The following DLG2 variants were observed in gnomAD, a reference collection of about 807,000 sequenced individuals.
DLG2 encodes the protein disks large homolog 2.
In DLG2, 45 loss-of-function variants were observed where a neutral mutation model predicts 132.5. The observed-to-expected ratio is 0.34, with a 90% confidence interval of 0.27 to 0.44. The LOEUF is 0.44. Among genes scored for constraint, DLG2 ranks in the 20% least tolerant of loss-of-function variants. The pLI is 1.00. For synonymous variants in DLG2, 424 were observed against 419.6 expected (o/e 1.01, Z -0.13); for missense variants, 1,045 against 1,196.9 (o/e 0.87, Z 1.87).
chr11:85,045,828 C>A (rs946597174), intron 6 of DLG2, among the ~76,000 whole-genome samples: 6 of 151,932 alleles, frequency 3.9e-5, no homozygotes, highest in African/African-American at 1.4e-4. Flanking sequence ...GAAGGCAAGG[C>A]ATTTTGGAAG....
intron 4 of DLG2, among the ~76,000 whole-genome samples, chr11:85,221,850 C>T (rs191976335): frequency 9.9e-4 from 150 of 152,246 alleles, no homozygotes; most frequent in Non-Finnish European, 1.7e-3. Context: ...ACCTATTTCA[C>T]ATTTTTATTT....
intron 3 of DLG2, among the ~76,000 whole-genome samples, chr11:85,401,835 A>G (rs2088151251): frequency 6.6e-6 from 1 of 152,188 alleles, no homozygotes; most frequent in Admixed American, 6.5e-5. Flanking sequence ...TCAATGAAAT[A>G]AAAGAGGACA....
At chr11:84,210,275 T>C (rs2096734423) in intron 8 of DLG2, among the ~76,000 whole-genome samples, 1 of 151,204 alleles carries the variant, frequency 6.6e-6, no homozygotes, top group Non-Finnish European at 1.5e-5. Flanking sequence ...AGAGTGATAC[T>C]CTGTCTCCAA....
rs563607392 is a variant in DLG2, at chr11:84,317,243, C to T, written c.520-65952G>A. 14 of 1,510,666 alleles carry T rather than the reference C, an allele frequency of 9.3e-6. No individual in the cohort carries two copies. The South Asian group carries it at 1.9e-4, about 20-fold the overall frequency. 93.6% of individuals were successfully genotyped at this position (1,510,666 alleles called of 1,614,324 possible). A position where few individuals can be genotyped will look rare whatever the true frequency, so the allele number is the denominator to read the frequency against. The stretch of plus-strand genomic sequence containing the variant: ...CCAGCCAGTTGTAAAAGTCTTTTTT[C>T]CACCGTGGATTCCTCAGTATCTTTG... On this transcript the variant is annotated intron_variant, in intron 7 of 27. Coordinates refer to ENST00000376104, the MANE Select transcript of DLG2 (RefSeq NM_001142699.3).
At chr11:85,278,163 T>A (rs2078009024) in intron 4 of DLG2, among the ~76,000 whole-genome samples, 1 of 152,200 alleles carries the variant, frequency 6.6e-6, no homozygotes, top group African/African-American at 2.4e-5. Context: ...CAGACACATG[T>A]TTATTAATCC....
At chr11:84,492,815 G>T (rs889112853) in intron 7 of DLG2, among the ~76,000 whole-genome samples, 1 of 152,024 alleles carries the variant, frequency 6.6e-6, no homozygotes, top group African/African-American at 2.4e-5. Context: ...GTTTTAAATG[G>T]AGTGTCTTGT....
chr11:84,508,822 A>T (rs1326779822), intron 7 of DLG2, among the ~76,000 whole-genome samples: 3 of 152,220 alleles, frequency 2.0e-5, no homozygotes, highest in Non-Finnish European at 4.4e-5. Context: ...TTGTTAAGAC[A>T]GGAAATTGTT....
rs548197739 is a variant in DLG2, at chr11:84,163,726, T to C, written c.574-215A>G. ...AGATGCTACAAAAAATACTCAAAGA[T>C]TATTGCTTCCCTTAGTAATTCTGTG... On this transcript the variant is annotated intron_variant, in intron 8 of 27. Coordinates refer to ENST00000376104, the MANE Select transcript of DLG2 (RefSeq NM_001142699.3). Among the ~76,000 whole-genome samples, 3 of 152,288 alleles carry C rather than the reference T, an allele frequency of 2.0e-5. No individual in the cohort carries two copies. In the East Asian group the frequency reaches 5.8e-4, roughly 29 times the overall value.
At chr11:83,483,711 A>C (rs1156276864) in intron 22 of DLG2, among the ~76,000 whole-genome samples, 1 of 151,980 alleles carries the variant, frequency 6.6e-6, no homozygotes, top group Non-Finnish European at 1.5e-5. Flanking sequence ...AAGAGTGAGC[A>C]AATGTGCTAG....
At chr11:84,569,045 G>T (rs534860935) in intron 6 of DLG2, among the ~76,000 whole-genome samples, 80 of 152,246 alleles carry the variant, frequency 5.3e-4, no homozygotes, top group African/African-American at 1.9e-3. Context: ...CTGACCAGAA[G>T]TAATAGCAGT....
chr11:85,252,990 C>G (rs1467060135), intron 4 of DLG2, among the ~76,000 whole-genome samples: 1 of 152,122 alleles, frequency 6.6e-6, no homozygotes, highest in Non-Finnish European at 1.5e-5. Context: ...AAATTCTAAA[C>G]CTATTGTTAA....
chr11:85,021,657 GT>G (rs2060079948), intron 6 of DLG2: 1 of 1,163,798 alleles, frequency 8.6e-7, no homozygotes, highest in Non-Finnish European at 1.3e-6. Context: ...TAGCCATTGT[GT>G]TTGATGATAA....
intron 18 of DLG2, among the ~76,000 whole-genome samples, chr11:83,688,529 T>C (rs752966794): frequency 3.3e-5 from 5 of 152,024 alleles, no homozygotes; most frequent in Non-Finnish European, 5.9e-5. Flanking sequence ...GCCTGGAGAG[T>C]GTTAATAAAC....
At chr11:85,146,589 G>A (rs568030631) in intron 5 of DLG2, among the ~76,000 whole-genome samples, 1 of 152,064 alleles carries the variant, frequency 6.6e-6, no homozygotes, top group Admixed American at 6.6e-5. Context: ...TTTTACCGTG[G>A]CTGAGCTGGT....
At chr11:85,255,913 A>G (rs2076641968) in intron 4 of DLG2, among the ~76,000 whole-genome samples, 1 of 152,224 alleles carries the variant, frequency 6.6e-6, no homozygotes, top group South Asian at 2.1e-4. Flanking sequence ...GATGTCCTGT[A>G]ATCGCTGTTA....
At chr11:85,322,146 T>C (rs893799217) in intron 3 of DLG2, among the ~76,000 whole-genome samples, 1 of 152,058 alleles carries the variant, frequency 6.6e-6, no homozygotes, top group Non-Finnish European at 1.5e-5. Flanking sequence ...CACCTTCTGG[T>C]CACCATATCC....
intron 3 of DLG2, among the ~76,000 whole-genome samples, chr11:85,317,595 C>T (rs919542517): frequency 1.3e-5 from 2 of 151,818 alleles, no homozygotes; most frequent in African/African-American, 2.4e-5. Flanking sequence ...GTCTTTTGTT[C>T]CTTCCTCCAA....
chr11:84,531,242 C>A (rs1050963127), intron 7 of DLG2, among the ~76,000 whole-genome samples: 8 of 152,294 alleles, frequency 5.3e-5, no homozygotes, highest in African/African-American at 1.9e-4. Context: ...CCAAATACTG[C>A]ATATTCTCAC....
At chr11:84,199,127 C>G (rs1483986420) in intron 8 of DLG2, among the ~76,000 whole-genome samples, 4 of 152,082 alleles carry the variant, frequency 2.6e-5, no homozygotes, top group African/African-American at 9.7e-5. Flanking sequence ...TGAAAAGCAA[C>G]AAAGAATGTA....
Sources: allele counts gnomAD v4.1 joint callset (sites outside exome capture counted in the v4.1 genomes callset), GRCh38; gene constraint gnomAD v4.1.1; transcripts MANE v1.5; gene names NCBI Gene and HGNC (gene_info 2026-07-23, HGNC 2026-07-21).